Variants in FAM163A observed in about 807,000 individuals in gnomAD.
FAM163A encodes the protein family with sequence similarity 163 member A.
Under a neutral mutation model 12.0 loss-of-function variants are expected in FAM163A, and 7 were observed. The ratio of observed to expected loss-of-function variants is 0.58; its 90% CI spans 0.33 to 1.10. The LOEUF is 1.10. Among genes scored for constraint, FAM163A ranks in the 50% least tolerant of loss-of-function variants. The pLI is 0.03. For missense variants in FAM163A, 202 were observed against 218.6 expected (o/e 0.92, Z 0.48); for synonymous variants, 101 against 91.0 (o/e 1.11, Z -0.62).
intron 1 of FAM163A, among the ~76,000 whole-genome samples, chr1:179,787,974 G>A (rs922253702): frequency 1.3e-5 from 2 of 152,214 alleles, no homozygotes; most frequent in Non-Finnish European, 2.9e-5. Flanking sequence ...GAAACTGCTG[G>A]TCCAGGTGCC....
At chr1:179,789,449 C>T (rs12134289) in intron 1 of FAM163A, among the ~76,000 whole-genome samples, 31,413 of 152,116 alleles carry the variant, frequency 0.21, 3,874 homozygotes, top group Non-Finnish European at 0.27. Flanking sequence ...CCCAAAGTGC[C>T]GGGATTACAG....
At chr1:179,782,581 G>A (rs1689948522) in intron 1 of FAM163A, among the ~76,000 whole-genome samples, 1 of 152,184 alleles carries the variant, frequency 6.6e-6, no homozygotes, top group African/African-American at 2.4e-5. Flanking sequence ...GTTCTGAACA[G>A]TTTCTTGTGC....
At chr1:179,747,382 A>C (rs779699385) in intron 1 of FAM163A, among the ~76,000 whole-genome samples, 8 of 152,200 alleles carry the variant, frequency 5.3e-5, no homozygotes, top group Non-Finnish European at 1.0e-4. Context: ...CGATGGATAC[A>C]CAAAGGGGAT....
chr1:179,733,645 T>C, the FAM163A span, among the ~76,000 whole-genome samples: 489 of 152,274 alleles, frequency 3.2e-3, no homozygotes, highest in Non-Finnish European at 6.0e-3. Context: ...TTCTCAGAAC[T>C]CAGCACTCAA....
intron 1 of FAM163A, among the ~76,000 whole-genome samples, chr1:179,791,700 A>G (rs1439030762): frequency 3.3e-5 from 5 of 152,208 alleles, no homozygotes; most frequent in Admixed American, 3.3e-4. Context: ...ATATTTAGAC[A>G]TATCATCTGT....
At chr1:179,771,855 A>C (rs1440226395) in intron 1 of FAM163A, among the ~76,000 whole-genome samples, 2 of 151,822 alleles carry the variant, frequency 1.3e-5, no homozygotes, top group African/African-American at 4.8e-5. Flanking sequence ...CTGCTCTCAG[A>C]TGCTCTCCTC....
chr1:179,795,061 G>A (rs1477994294), intron 1 of FAM163A, among the ~76,000 whole-genome samples: 1 of 152,156 alleles, frequency 6.6e-6, no homozygotes, highest in Non-Finnish European at 1.5e-5. Context: ...CTCTTGGCAA[G>A]GTGGTAAGAA....
At chr1:179,807,227 C>A (rs1571582726) in intron 1 of FAM163A, among the ~76,000 whole-genome samples, 1 of 152,234 alleles carries the variant, frequency 6.6e-6, no homozygotes. Flanking sequence ...CTGCCTCCCC[C>A]TCCACCATCA....
intron 1 of FAM163A, among the ~76,000 whole-genome samples, chr1:179,755,985 C>T (rs12402667): frequency 7.9e-4 from 121 of 152,348 alleles, no homozygotes; most frequent in African/African-American, 2.7e-3. Flanking sequence ...ACCCCAGGTG[C>T]TGATAGTTCA....
At chr1:179,806,986 C>T (rs1237150762) in intron 1 of FAM163A, among the ~76,000 whole-genome samples, 1 of 151,866 alleles carries the variant, frequency 6.6e-6, no homozygotes, top group Non-Finnish European at 1.5e-5. Flanking sequence ...CCTGTAGTAC[C>T]AGCTACTTGG....
intron 1 of FAM163A, among the ~76,000 whole-genome samples, chr1:179,772,623 T>C (rs1424703667): frequency 6.6e-6 from 1 of 152,198 alleles, no homozygotes; most frequent in African/African-American, 2.4e-5. Context: ...AAGTTTCTTC[T>C]CTGCTTAAAG....
chr1:179,798,435 G>T, intron 1 of FAM163A, among the ~76,000 whole-genome samples: 1 of 152,196 alleles, frequency 6.6e-6, no homozygotes, highest in African/African-American at 2.4e-5. Context: ...GCCTCTGGAT[G>T]GCCCCTCCAG....
chr1:179,816,029 T>C lies in FAM163A; in HGVS notation c.*1840T>C, dbSNP rs1055876676. On this transcript the variant is annotated 3_prime_UTR_variant, in exon 5 of 5. Transcript: ENST00000341785. ...TTGCCCAGATAGACTAACAACCCTT[T>C]AGTGCTCCAAGAAGTGAGAATTTCC... 4 of 152,200 alleles carry C rather than the reference T, an allele frequency of 2.6e-5. No homozygotes were observed. Among genetic ancestry groups the C allele is most frequent in the East Asian group, 1.9e-4 (1 of 5,172 alleles). The allele number at this position is 152,200 out of a possible 1,614,324, so 9.4% of individuals were successfully genotyped here.
At chr1:179,799,351 G>T (rs978222991) in intron 1 of FAM163A, among the ~76,000 whole-genome samples, 5 of 152,248 alleles carry the variant, frequency 3.3e-5, no homozygotes, top group African/African-American at 1.2e-4. Flanking sequence ...ATGCCATGGT[G>T]TCCTCATGCC....
chr1:179,746,528 G>A (rs1434460481), intron 1 of FAM163A, among the ~76,000 whole-genome samples: 3 of 152,158 alleles, frequency 2.0e-5, no homozygotes, highest in Admixed American at 6.5e-5. Context: ...GCTGCTGCTC[G>A]TGTTATACAA....
chr1:179,787,647 C>G (rs1363088131), intron 1 of FAM163A, among the ~76,000 whole-genome samples: 3 of 152,214 alleles, frequency 2.0e-5, no homozygotes, highest in African/African-American at 7.2e-5. Context: ...ACAGCTCCCC[C>G]AAAGTGCCAG....
the FAM163A span, among the ~76,000 whole-genome samples, chr1:179,733,883 C>T: frequency 1.1e-4 from 16 of 152,194 alleles, no homozygotes; most frequent in African/African-American, 3.4e-4. Flanking sequence ...TATCCACTGT[C>T]GTCTTATCTT....
intron 1 of FAM163A, among the ~76,000 whole-genome samples, chr1:179,753,608 C>T (rs188489962): frequency 5.9e-5 from 9 of 152,184 alleles, no homozygotes; most frequent in Admixed American, 4.6e-4. Context: ...GGACCACTCT[C>T]CTGGGGTAAC....
At chr1:179,782,547 G>C (rs956227323) in intron 1 of FAM163A, among the ~76,000 whole-genome samples, 17 of 152,180 alleles carry the variant, frequency 1.1e-4, no homozygotes, top group African/African-American at 4.1e-4. Context: ...GCAGAATCTG[G>C]ATTCTCAGAG....
Sources: gnomAD v4.1 joint callset for allele counts (sites outside exome capture counted in the v4.1 genomes callset) on GRCh38, gnomAD v4.1.1 for gene constraint, MANE v1.5 for transcripts, NCBI Gene and HGNC (gene_info 2026-07-23, HGNC 2026-07-21) for gene names.